Variants in ATP8A1 observed in about 807,000 individuals in gnomAD.
The protein encoded by ATP8A1 is phospholipid-transporting ATPase IA.
A neutral mutation model predicts 177.7 loss-of-function variants in ATP8A1; 90 were observed. The ratio of observed to expected loss-of-function variants is 0.51; its 90% CI spans 0.43 to 0.60. The LOEUF (loss-of-function observed/expected upper bound fraction) is 0.60, where lower values mean the gene tolerates loss of function less well. Among genes scored for constraint, ATP8A1 ranks in the 20% least tolerant of loss-of-function variants. The pLI is 0.00. For missense variants in ATP8A1, 1,072 were observed against 1,392.8 expected (o/e 0.77, Z 3.67); for synonymous variants, 493 against 485.9 (o/e 1.01, Z -0.19).
rs560288877 is a variant in ATP8A1 at position 42,409,564 on chromosome 4, G to A, written c.*3352C>T. The stretch of plus-strand genomic sequence containing the variant: ...CACTTTCTCCATAAATTTTGTAGAT[G>A]ACTATTTGTAAGATTATACACTTAA... On this transcript the variant is annotated 3_prime_UTR_variant, in exon 37 of 37. Transcript: ENST00000381668. 6.6e-6 allele frequency: 1 copy of A among 152,108 alleles called. No individual in the cohort carries two copies. The highest frequency in any genetic ancestry group is 6.5e-5 in the Admixed American group (1 of 15,272). The allele number at this position is 152,108 out of a possible 1,614,324, so 9.4% of individuals were successfully genotyped here.
chr4:42,634,069 G>A (rs889669716), intron 1 of ATP8A1, among the ~76,000 whole-genome samples: 1 of 152,194 alleles, frequency 6.6e-6, no homozygotes, highest in Non-Finnish European at 1.5e-5. Flanking sequence ...GGAATTCACT[G>A]ACAGGTTTAA....
intron 5 of ATP8A1, among the ~76,000 whole-genome samples, chr4:42,600,811 ACAAAAATGATGT>A (rs1735171330): frequency 6.6e-6 from 1 of 152,196 alleles, no homozygotes; most frequent in African/African-American, 2.4e-5. Flanking sequence ...GGAGAAAGCC[ACAAAAATGATGT>A]GAAAAAGGAA....
At chr4:42,468,925 T>C (rs986360466) in intron 25 of ATP8A1, among the ~76,000 whole-genome samples, 6 of 152,224 alleles carry the variant, frequency 3.9e-5, no homozygotes, top group Non-Finnish European at 8.8e-5. Flanking sequence ...AAATAAAATA[T>C]ACATTCTTAA....
chr4:42,555,825 A>T (rs1380875920), intron 16 of ATP8A1, 143 bp downstream of exon 16: 1 of 625,110 alleles, frequency 1.6e-6, no homozygotes, highest in Non-Finnish European at 2.6e-6. Flanking sequence ...CTCTGTCTCA[A>T]ATAACTAACT....
intron 30 of ATP8A1, 22 bp from the exon 31 acceptor site, chr4:42,446,666 A>G (rs1341989506): frequency 1.1e-5 from 17 of 1,594,864 alleles, no homozygotes; most frequent in East Asian, 2.2e-5. Context: ...GGAGAGGCCT[A>G]TTAGAAAGGA....
intron 20 of ATP8A1, among the ~76,000 whole-genome samples, chr4:42,538,195 T>C (rs928907096): frequency 3.3e-5 from 5 of 152,206 alleles, no homozygotes; most frequent in African/African-American, 9.6e-5. Flanking sequence ...CAAATGGTGC[T>C]GGGATAGTTG....
At chr4:42,535,497 A>G (rs1241563908) in intron 20 of ATP8A1, among the ~76,000 whole-genome samples, 1 of 152,232 alleles carries the variant, frequency 6.6e-6, no homozygotes, top group Admixed American at 6.5e-5. Flanking sequence ...GGGGATAGAC[A>G]GCAGCACAAT....
chr4:42,474,579 G>C (rs555356196), intron 25 of ATP8A1, among the ~76,000 whole-genome samples: 1 of 152,332 alleles, frequency 6.6e-6, no homozygotes, highest in South Asian at 2.1e-4. Flanking sequence ...TGAAGGCACA[G>C]AGCCAGGCAG....
At chr4:42,496,804 C>A (rs989992626) in intron 24 of ATP8A1, among the ~76,000 whole-genome samples, 1 of 18,606 alleles carries the variant, frequency 5.4e-5, no homozygotes, top group Non-Finnish European at 9.9e-5. Flanking sequence ...GCACATATAC[C>A]CCCCCCCACA....
At chr4:42,649,458 A>G (rs1740871711) in intron 1 of ATP8A1, among the ~76,000 whole-genome samples, 1 of 152,218 alleles carries the variant, frequency 6.6e-6, no homozygotes, top group African/African-American at 2.4e-5. Flanking sequence ...ATAAATTTAT[A>G]TGAAGTATAT....
intron 10 of ATP8A1, among the ~76,000 whole-genome samples, chr4:42,581,253 C>T (rs542556573): frequency 6.6e-6 from 1 of 152,280 alleles, no homozygotes; most frequent in South Asian, 2.1e-4. Context: ...CCTGCCTCAG[C>T]CTCCCGAGTA....
In ATP8A1 at chr4:42,621,974, A is replaced by G. The variant is rs145529405; in HGVS notation, c.363+2562T>C. 3.3e-5 allele frequency among the ~76,000 whole-genome samples: 5 copies of G among 152,348 alleles called. No individual in the cohort carries two copies. In the East Asian group the frequency reaches 9.6e-4, roughly 29 times the overall value. ...TCGACAAAGCTGACAAAAACAAGCAATGAAGAAAGGAGTCCCTATTCGATA... is the reference window on the plus strand; with the variant it reads ...TCGACAAAGCTGACAAAAACAAGCAGTGAAGAAAGGAGTCCCTATTCGATA... On this transcript the variant is annotated intron_variant, in intron 4 of 36. Transcript: ENST00000381668.
intron 30 of ATP8A1, among the ~76,000 whole-genome samples, chr4:42,447,720 A>G (rs1323385047): frequency 2.0e-5 from 3 of 152,176 alleles, no homozygotes; most frequent in Non-Finnish European, 4.4e-5. Context: ...AAACACAGAG[A>G]GTGGTACTGG....
chr4:42,554,573 C>A (rs1038857791), intron 16 of ATP8A1, among the ~76,000 whole-genome samples: 1 of 152,164 alleles, frequency 6.6e-6, no homozygotes, highest in Admixed American at 6.5e-5. Flanking sequence ...AGTGACAAGT[C>A]CACCTGTGCT....
At chr4:42,575,749 G>C (rs757335633) in intron 12 of ATP8A1, 50 bp from the exon 13 acceptor site, 2 of 1,479,194 alleles carry the variant, frequency 1.4e-6, no homozygotes, top group East Asian at 2.3e-5. Flanking sequence ...ATAAGGAATT[G>C]GGTGAAACTT....
chr4:42,546,610 C>T (rs969415326), intron 19 of ATP8A1, among the ~76,000 whole-genome samples: 11 of 151,900 alleles, frequency 7.2e-5, no homozygotes, highest in Admixed American at 3.3e-4. Context: ...AAAACTCACC[C>T]GATGCAACCA....
chr4:42,556,647 T>G (rs1309695173), intron 15 of ATP8A1, among the ~76,000 whole-genome samples: 1 of 152,098 alleles, frequency 6.6e-6, no homozygotes. Context: ...GATGAGCAAA[T>G]GTATTATGTA....
chr4:42,633,376 T>G (rs1304559096), intron 1 of ATP8A1, among the ~76,000 whole-genome samples: 25 of 152,214 alleles, frequency 1.6e-4, no homozygotes, highest in Non-Finnish European at 1.5e-5. Context: ...AAATATTCCA[T>G]TTTTCATCCG....
chr4:42,567,057 T>G (rs1731425417), intron 15 of ATP8A1, among the ~76,000 whole-genome samples: 1 of 152,190 alleles, frequency 6.6e-6, no homozygotes, highest in Admixed American at 6.5e-5. Flanking sequence ...AAGAGTTGAG[T>G]AACTTGTTCA....
Sources: gnomAD v4.1 joint callset for allele counts (sites outside exome capture counted in the v4.1 genomes callset) on GRCh38, gnomAD v4.1.1 for gene constraint, MANE v1.5 for transcripts, NCBI Gene and HGNC (gene_info 2026-07-23, HGNC 2026-07-21) for gene names.